WDFY3: variants seen among roughly 807,000 people sequenced by gnomAD.
WDFY3 encodes WD repeat and FYVE domain containing 3.
Under a neutral mutation model 409.6 loss-of-function variants are expected in WDFY3, and 66 were observed. That is an observed-to-expected ratio of 0.16 (90% CI 0.13 to 0.20). WDFY3 has a LOEUF of 0.20. Ranked by LOEUF, WDFY3 falls within the 10% of genes least tolerant of loss-of-function variation. WDFY3 has a pLI of 1.00. For synonymous variants in WDFY3, 1,521 were observed against 1,537.1 expected (o/e 0.99, Z 0.25); for missense variants, 3,031 against 4,298.1 (o/e 0.71, Z 8.24).
chr4:84,712,167 TACA>T (rs1733014405), intron 51 of WDFY3, among the ~76,000 whole-genome samples: 1 of 151,282 alleles, frequency 6.6e-6, no homozygotes, highest in African/African-American at 2.4e-5. Context: ...CTACTAAAAA[TACA>T]ACAATTAGAC....
intron 9 of WDFY3, among the ~76,000 whole-genome samples, chr4:84,828,718 G>A (rs962742374): frequency 4.0e-4 from 61 of 152,152 alleles, no homozygotes; most frequent in East Asian, 9.6e-4. Context: ...GCAACACAGC[G>A]AGATCCTGTC....
At chr4:84,755,757 T>A (rs189891941) in intron 33 of WDFY3, among the ~76,000 whole-genome samples, 132 of 152,312 alleles carry the variant, frequency 8.7e-4, no homozygotes, top group African/African-American at 3.1e-3. Flanking sequence ...CAAAGCACAT[T>A]AAGCTCACTT....
chr4:84,817,095 A>C (rs1280193168), intron 13 of WDFY3, among the ~76,000 whole-genome samples: 3 of 152,186 alleles, frequency 2.0e-5, no homozygotes, highest in Non-Finnish European at 4.4e-5. Flanking sequence ...AATTTAACTG[A>C]TCAGAAAATA....
chr4:84,852,140 T>C (rs144601927), intron 4 of WDFY3, among the ~76,000 whole-genome samples: 9 of 152,232 alleles, frequency 5.9e-5, no homozygotes, highest in Admixed American at 4.6e-4. Flanking sequence ...TTAAGGAAAA[T>C]AGAGTTTCTT....
chr4:84,947,593 G>A (rs1280142510), intron 1 of WDFY3, among the ~76,000 whole-genome samples: 3 of 149,042 alleles, frequency 2.0e-5, no homozygotes, highest in Non-Finnish European at 4.5e-5. Flanking sequence ...TGCTAGGCTG[G>A]GCGCAGTGGC....
chr4:84,788,113 A>C (rs1266395451), intron 22 of WDFY3, among the ~76,000 whole-genome samples: 1 of 152,184 alleles, frequency 6.6e-6, no homozygotes, highest in African/African-American at 2.4e-5. Context: ...GAGTCTGTTA[A>C]CTAAAATTAC....
intron 46 of WDFY3, among the ~76,000 whole-genome samples, chr4:84,723,569 T>C (rs1048866234): frequency 6.6e-5 from 10 of 152,348 alleles, no homozygotes; most frequent in African/African-American, 2.4e-4. Flanking sequence ...ACTTACTCAG[T>C]TGAACTGATT....
chr4:84,691,910 T>C (rs1729329787), intron 59 of WDFY3, 125 bp from the exon 60 acceptor site: 1 of 961,802 alleles, frequency 1.0e-6, no homozygotes, highest in Non-Finnish European at 1.5e-6. Flanking sequence ...TGAGAAAAAA[T>C]GATCTCTGAA....
At chr4:84,783,212 G>A in intron 24 of WDFY3, 138 bp from the exon 25 acceptor site, 1 of 754,302 alleles carries the variant, frequency 1.3e-6, no homozygotes, top group Non-Finnish European at 2.2e-6. Flanking sequence ...CGAGCATTTA[G>A]GTCCAGCCTG....
intron 3 of WDFY3, among the ~76,000 whole-genome samples, chr4:84,862,828 G>C (rs576178935): frequency 1.3e-5 from 2 of 151,944 alleles, no homozygotes; most frequent in African/African-American, 2.4e-5. Context: ...TCTACTAAAA[G>C]TACAAAAAAA....
At chr4:84,895,131 C>A (rs1449255380) in intron 3 of WDFY3, among the ~76,000 whole-genome samples, 1 of 151,934 alleles carries the variant, frequency 6.6e-6, no homozygotes, top group Non-Finnish European at 1.5e-5. Context: ...AGCAAGAGTT[C>A]AAAAATTGTA....
chr4:84,756,269 C>T (rs1055577207), intron 33 of WDFY3, among the ~76,000 whole-genome samples: 1 of 152,112 alleles, frequency 6.6e-6, no homozygotes, highest in African/African-American at 2.4e-5. Flanking sequence ...CCACTCCTTT[C>T]ATTTTTAATT....
chr4:84,714,187 C>T (rs905908177), intron 50 of WDFY3, among the ~76,000 whole-genome samples: 1 of 152,070 alleles, frequency 6.6e-6, no homozygotes, highest in Non-Finnish European at 1.5e-5. Context: ...GTGGTGTGAT[C>T]GTGGCTTACT....
At chr4:84,732,160 T>C (rs77016773) in intron 44 of WDFY3, among the ~76,000 whole-genome samples, 5,855 of 152,236 alleles carry the variant, frequency 0.038, 347 homozygotes, top group African/African-American at 0.13. Flanking sequence ...CTTGGCAGAA[T>C]TGAATAGCTT....
chr4:84,955,715 T>C (rs1266679785), intron 1 of WDFY3, among the ~76,000 whole-genome samples: 2 of 152,172 alleles, frequency 1.3e-5, no homozygotes, highest in African/African-American at 4.8e-5. Flanking sequence ...ATCAATAAGG[T>C]AATGCATATT....
At position 84,772,920 on chromosome 4, in the gene WDFY3, C is replaced by T; in HGVS notation, c.4764G>A (p.Gln1588=). 1 of 1,599,068 alleles carries T rather than the reference C, an allele frequency of 6.3e-7. No individual in the cohort carries two copies. Among genetic ancestry groups the T allele is most frequent in the Non-Finnish European group, 8.5e-7 (1 of 1,175,144 alleles). Residue 1588 remains glutamine (Q), a synonymous_variant, in exon 30 of 68, where the codon CAG becomes CAA. Coordinates refer to ENST00000295888, the MANE Select transcript of WDFY3 (RefSeq NM_014991.6). ...AGGTTGGCAAAGTAGAAGAAATAAA[C>T]TGCCCAAATCTTTAAACAAAGGAAA... ...PSSNDLLRFG[Q]FISSTLPTFA...
chr4:84,741,894 C>T lies in WDFY3; in HGVS notation c.6101G>A (p.Ser2034Asn), dbSNP rs1452299994. Residue 2034 changes from serine (S) to asparagine (N), a missense_variant, in exon 38 of 68, where the codon AGT (serine) becomes AAT (asparagine). By Grantham distance (46) the Ser-to-Asn change is conservative. Around this residue, in one of 16 missense-constraint regions of WDFY3, gnomAD observed 314 missense variants for 397.4 expected, o/e 0.79. Coordinates refer to ENST00000295888, the MANE Select transcript of WDFY3 (RefSeq NM_014991.6). ...CACCAATACCTGGTAGCTTCCTCCA[C>T]TGGTAATAGGCAGAGATGCATCTTC... ...LGEDASLPIT[S>N]GGSYQVLVNN... 1 of 1,606,466 alleles carries T rather than the reference C, an allele frequency of 6.2e-7. No individual in the cohort carries two copies. Among genetic ancestry groups the T allele is most frequent in the Non-Finnish European group, 8.5e-7 (1 of 1,174,874 alleles).
At chr4:84,838,559 C>A (rs143457592) in intron 6 of WDFY3, among the ~76,000 whole-genome samples, 1 of 152,098 alleles carries the variant, frequency 6.6e-6, no homozygotes, top group Non-Finnish European at 1.5e-5. Context: ...AACTAACCCC[C>A]CAAACCACAT....
intron 54 of WDFY3, among the ~76,000 whole-genome samples, chr4:84,705,082 T>C (rs1314797060): frequency 6.6e-6 from 1 of 152,124 alleles, no homozygotes; most frequent in East Asian, 1.9e-4. Flanking sequence ...TAAAGTATGG[T>C]TCCTGGACTA....
Sources: gnomAD v4.1 joint callset for allele counts (sites outside exome capture counted in the v4.1 genomes callset) on GRCh38, gnomAD v4.1.1 for gene constraint, gnomAD v4.1.1 regional missense constraint, MANE v1.5 for transcripts, NCBI Gene and HGNC (gene_info 2026-07-23, HGNC 2026-07-21) for gene names.